KCTD1: variants seen among roughly 807,000 people sequenced by gnomAD.
KCTD1 encodes potassium channel tetramerization domain containing 1.
In KCTD1, 24 loss-of-function variants were observed where a neutral mutation model predicts 66.0. The ratio of observed to expected loss-of-function variants is 0.36; its 90% CI spans 0.26 to 0.51. The LOEUF (loss-of-function observed/expected upper bound fraction) is 0.51. Ranked by LOEUF, KCTD1 falls within the 20% of genes least tolerant of loss-of-function variation. KCTD1 has a pLI of 0.95. For missense variants in KCTD1, 943 were observed against 1,205.2 expected, an observed-to-expected ratio of 0.78 and a Z score of 3.22; for synonymous variants, 511 against 517.2, an observed-to-expected ratio of 0.99 and a Z score of 0.16.
At chr18:26,605,664 C>T (rs971154367) in intron 1 of KCTD1, among the ~76,000 whole-genome samples, 1 of 152,046 alleles carries the variant, frequency 6.6e-6, no homozygotes, top group Non-Finnish European at 1.5e-5. Context: ...ACTTTTTGCT[C>T]AAGCCACACC....
intron 3 of KCTD1, among the ~76,000 whole-genome samples, chr18:26,462,449 G>C (rs2144543861): frequency 6.6e-6 from 1 of 152,276 alleles, no homozygotes; most frequent in East Asian, 1.9e-4. Flanking sequence ...CTAGTCTCCA[G>C]AGTAGAGCCA....
At chr18:26,559,564 C>T (rs1417972402) in intron 1 of KCTD1, among the ~76,000 whole-genome samples, 1 of 152,144 alleles carries the variant, frequency 6.6e-6, no homozygotes, top group African/African-American at 2.4e-5. Context: ...GGCAGATACA[C>T]ATCCCCAGAG....
intron 4 of KCTD1, chr18:26,457,429 A>AAAG (rs1249071009): frequency 3.9e-5 from 6 of 152,238 alleles, no homozygotes; most frequent in African/African-American, 1.4e-4. Flanking sequence ...GCACCCTGGA[A>AAAG]AAGATCCCTT....
upstream of KCTD1, among the ~76,000 whole-genome samples, chr18:26,644,985 T>C (rs907455041): frequency 2.6e-5 from 4 of 152,072 alleles, no homozygotes; most frequent in Non-Finnish European, 5.9e-5. Context: ...AAGTGAGGGG[T>C]ACTGAAGTTT....
At chr18:26,492,469 A>G (rs1450855437) in intron 2 of KCTD1, among the ~76,000 whole-genome samples, 1 of 152,074 alleles carries the variant, frequency 6.6e-6, no homozygotes, top group African/African-American at 2.4e-5. Context: ...CCCCGTCTCT[A>G]TAAAAAATTA....
chr18:26,459,533 T>C, intron 4 of KCTD1, 87 bp downstream of exon 4: 6 of 1,322,120 alleles, frequency 4.5e-6, no homozygotes, highest in African/African-American at 1.5e-5. Context: ...CTAAGCTCTT[T>C]GGAGGAAAGG....
In KCTD1 at chr18:26,459,805, C is replaced by T. The variant is rs753853154; in HGVS notation, c.2254G>A (p.Val752Ile). 107 of 1,614,048 alleles carry T rather than the reference C, an allele frequency of 6.6e-5. No homozygotes were observed. Among genetic ancestry groups the T allele is most frequent in the Middle Eastern group, 1.6e-4 (1 of 6,084 alleles). Residue 752 changes from valine to isoleucine, a missense_variant, in exon 4 of 5, where the codon GTC (valine) becomes ATC (isoleucine). Val to Ile is a conservative substitution (Grantham distance 29). Transcript: ENST00000580059. ...GRFSRPCECLVVRVAPDLGER... is the reference protein window; with the variant it reads ...GRFSRPCECLIVRVAPDLGER... The stretch of plus-strand genomic sequence containing the variant: ...CCGAGGTCTGGGGCCACACGCACGA[C>T]GAGGCACTCACAGGGCCTTGAAAAT...
chr18:26,574,259 G>T (rs1368620650), intron 1 of KCTD1, among the ~76,000 whole-genome samples: 1 of 152,084 alleles, frequency 6.6e-6, no homozygotes, highest in Non-Finnish European at 1.5e-5. Context: ...ATAAACACAC[G>T]GCTCCTTTTA....
intron 2 of KCTD1, among the ~76,000 whole-genome samples, chr18:26,491,887 A>C (rs1052899468): frequency 6.6e-6 from 1 of 152,166 alleles, no homozygotes; most frequent in Non-Finnish European, 1.5e-5. Context: ...TATATGGCTG[A>C]ACATGGGAAA....
chr18:26,514,410 G>A (rs1983526827), intron 1 of KCTD1, among the ~76,000 whole-genome samples: 1 of 151,854 alleles, frequency 6.6e-6, no homozygotes, highest in South Asian at 2.1e-4. Context: ...AAACTGGCTG[G>A]GCGTAGTGGT....
chr18:26,657,057 C>CGGCCGCGGCCCCTGCT lies in KCTD1; in HGVS notation c.9+287_9+302dup, dbSNP rs1313659603. On this transcript the variant is annotated intron_variant, in intron 1 of 4. Coordinates refer to the KCTD1 transcript ENST00000580191. ...CCCAGAGATCCGGAAACCCGGCCCCCGGCCGCGGCCCCTGCTGGCCGCACC... is the reference window on the plus strand; with the variant it reads ...CCCAGAGATCCGGAAACCCGGCCCCCGGCCGCGGCCCCTGCTGGCCGCGGCCCCTGCTGGCCGCACC... 2.6e-5 allele frequency among the ~76,000 whole-genome samples: 4 copies of CGGCCGCGGCCCCTGCT among 151,506 alleles called. No individual in the cohort carries two copies. The East Asian group carries it at 8.1e-4, about 31-fold the overall frequency.
chr18:26,628,834 T>C (rs1440141970), intron 1 of KCTD1, among the ~76,000 whole-genome samples: 2 of 152,236 alleles, frequency 1.3e-5, no homozygotes, highest in Non-Finnish European at 2.9e-5. Context: ...GCAGAGTCTA[T>C]GCTATAATCA....
chr18:26,634,376 G>T (rs187647904), intron 1 of KCTD1, among the ~76,000 whole-genome samples: 1 of 152,252 alleles, frequency 6.6e-6, no homozygotes, highest in East Asian at 1.9e-4. Flanking sequence ...GTGAAACAAC[G>T]ATCCCAACCT....
At chr18:26,556,929 AC>A (rs1466435287) in intron 1 of KCTD1, among the ~76,000 whole-genome samples, 2 of 152,210 alleles carry the variant, frequency 1.3e-5, no homozygotes, top group Non-Finnish European at 2.9e-5. Flanking sequence ...CCTTTTAAGT[AC>A]TACATACAAT....
upstream of KCTD1, among the ~76,000 whole-genome samples, chr18:26,632,434 G>A (rs1275405013): frequency 6.6e-6 from 1 of 152,022 alleles, no homozygotes; most frequent in Non-Finnish European, 1.5e-5. Flanking sequence ...CATAAAGACA[G>A]GAAAGTTTGC....
intron 4 of KCTD1, chr18:26,456,248 G>A (rs1421550992): frequency 5.1e-6 from 1 of 194,638 alleles, no homozygotes; most frequent in Non-Finnish European, 1.0e-5. Context: ...TCCTGTTTTT[G>A]TATATGCAAT....
At chr18:26,649,143 A>G (rs1987981184) in intron 1 of KCTD1, among the ~76,000 whole-genome samples, 3 of 152,354 alleles carry the variant, frequency 2.0e-5, no homozygotes, top group South Asian at 2.1e-4. Context: ...ATGGGTCTTC[A>G]GCAGCATAGA....
intron 1 of KCTD1, among the ~76,000 whole-genome samples, chr18:26,523,800 A>G (rs1210729383): frequency 6.6e-6 from 1 of 152,180 alleles, no homozygotes; most frequent in Admixed American, 6.5e-5. Flanking sequence ...TCTTTCCTAA[A>G]TTAAGAAAAG....
At chr18:26,460,838 G>A (rs1262595356) in intron 3 of KCTD1, 1 of 152,226 alleles carries the variant, frequency 6.6e-6, no homozygotes. Flanking sequence ...AAAAGAGAAT[G>A]AGGGGGAGGC....
Sources: gnomAD v4.1 joint callset for allele counts (sites outside exome capture counted in the v4.1 genomes callset) on GRCh38, gnomAD v4.1.1 for gene constraint, MANE v1.5 for transcripts, NCBI Gene and HGNC (gene_info 2026-07-23, HGNC 2026-07-21) for gene names.